Variants in DENND2C observed in about 807,000 individuals in gnomAD.
DENND2C encodes the protein DENN domain-containing protein 2C.
DENND2C carries 72 observed loss-of-function variants against 112.4 expected under a neutral mutation model. The ratio of observed to expected loss-of-function variants is 0.64; its 90% CI spans 0.53 to 0.78. The LOEUF is 0.78. Ranked by LOEUF, DENND2C falls within the 30% of genes least tolerant of loss-of-function variation. The pLI, the probability that DENND2C is intolerant of heterozygous loss-of-function variation, is 0.00. For missense variants in DENND2C, 992 were observed against 1,113.8 expected, an observed-to-expected ratio of 0.89 and a Z score of 1.56; for synonymous variants, 329 against 381.6, an observed-to-expected ratio of 0.86 and a Z score of 1.61.
intron 8 of DENND2C, among the ~76,000 whole-genome samples, chr1:114,616,801 G>A (rs1318946829): frequency 6.6e-6 from 1 of 152,128 alleles, no homozygotes; most frequent in Non-Finnish European, 1.5e-5. Flanking sequence ...GTTGCACTGA[G>A]CCGAGATCAT....
At chr1:114,668,819 C>T (rs1022635999) in intron 1 of DENND2C, among the ~76,000 whole-genome samples, 3 of 152,152 alleles carry the variant, frequency 2.0e-5, no homozygotes, top group African/African-American at 7.2e-5. Context: ...CTATAAGCAG[C>T]CCGTCAATTC....
chr1:114,586,319 G>GTA (rs1174327988), intron 20 of DENND2C, among the ~76,000 whole-genome samples: 2 of 152,088 alleles, frequency 1.3e-5, no homozygotes, highest in African/African-American at 2.4e-5. Flanking sequence ...ACTTCATGGG[G>GTA]TATATGAGCA....
At chr1:114,604,192 C>G (rs887974517) in intron 11 of DENND2C, among the ~76,000 whole-genome samples, 1 of 152,104 alleles carries the variant, frequency 6.6e-6, no homozygotes, top group Admixed American at 6.6e-5. Flanking sequence ...GGAAGCAACA[C>G]GAAGTTGAAG....
chr1:114,667,259 T>C (rs1455754769), intron 1 of DENND2C, among the ~76,000 whole-genome samples: 1 of 152,216 alleles, frequency 6.6e-6, no homozygotes, highest in Non-Finnish European at 1.5e-5. Flanking sequence ...CTTCTTTCTT[T>C]TTCTTGCAAC....
intron 8 of DENND2C, among the ~76,000 whole-genome samples, chr1:114,612,233 C>T (rs1655839475): frequency 6.6e-6 from 1 of 151,908 alleles, no homozygotes; most frequent in African/African-American, 2.4e-5. Flanking sequence ...CCATAAAAAG[C>T]TTTAATAAAG....
At chr1:114,588,804 G>A (rs551054540) in intron 18 of DENND2C, among the ~76,000 whole-genome samples, 2 of 152,056 alleles carry the variant, frequency 1.3e-5, no homozygotes, top group African/African-American at 4.8e-5. Context: ...TGTTGCCCAG[G>A]CACTTGTCTC....
intron 8 of DENND2C, 32 bp from the exon 9 acceptor site, chr1:114,611,149 T>C (rs763924085): frequency 6.2e-7 from 1 of 1,613,106 alleles, no homozygotes; most frequent in Non-Finnish European, 8.5e-7. Flanking sequence ...CCATTTGTAT[T>C]GTCCAACAGT....
chr1:114,636,679 CA>C (rs777606388), intron 3 of DENND2C, among the ~76,000 whole-genome samples: 1 of 148,940 alleles, frequency 6.7e-6, no homozygotes. Flanking sequence ...ACAACAGCAA[CA>C]AAAAAAACAT....
intron 1 of DENND2C, among the ~76,000 whole-genome samples, 165 bp downstream of exon 1, chr1:114,669,818 C>A (rs1270417645): frequency 1.3e-5 from 2 of 152,038 alleles, no homozygotes; most frequent in Non-Finnish European, 2.9e-5. Context: ...GCCGAGACAG[C>A]GGGGCGCGGA....
intron 3 of DENND2C, among the ~76,000 whole-genome samples, chr1:114,640,320 T>G (rs1045260760): frequency 1.3e-5 from 2 of 152,226 alleles, no homozygotes; most frequent in Non-Finnish European, 2.9e-5. Context: ...CATGAAAGTT[T>G]ATTTGCATCC....
At chr1:114,628,784 C>CT (rs1656413766) in intron 3 of DENND2C, among the ~76,000 whole-genome samples, 1 of 152,246 alleles carries the variant, frequency 6.6e-6, no homozygotes, top group Non-Finnish European at 1.5e-5. Context: ...TCTGAGCCAC[C>CT]TTGCTCCTCA....
chr1:114,587,825 A>T lies in DENND2C; in HGVS notation c.2559T>A (p.Arg853=), dbSNP rs1342769553. The part of the protein sequence containing the change: ...GERVFQREPF[R]KSHTSRSVRH... ...GTACACTTCGGGAGGTGTGGGACTT[A>T]CGGAATGGTTCCCTTTGGAAAACAC... The change falls in exon 19 of 21, where the codon CGT becomes CGA. Residue 853 remains arginine (R), a synonymous_variant. Transcript: ENST00000393274. 1 of 1,614,166 alleles carries T rather than the reference A, an allele frequency of 6.2e-7. No individual in the cohort carries two copies. Among genetic ancestry groups the T allele is most frequent in the Non-Finnish European group, 8.5e-7 (1 of 1,180,018 alleles).
intron 4 of DENND2C, among the ~76,000 whole-genome samples, chr1:114,624,285 T>G (rs1204377668): frequency 6.6e-6 from 1 of 152,078 alleles, no homozygotes; most frequent in African/African-American, 2.4e-5. Flanking sequence ...CCCTACAGAT[T>G]TTTTTGAATT....
chr1:114,645,034 G>A (rs530698460), intron 3 of DENND2C, among the ~76,000 whole-genome samples: 1 of 152,142 alleles, frequency 6.6e-6, no homozygotes, highest in African/African-American at 2.4e-5. Flanking sequence ...GTAAAAGGAG[G>A]GTATAGTAAC....
intron 18 of DENND2C, among the ~76,000 whole-genome samples, chr1:114,594,121 A>G (rs564694687): frequency 6.6e-6 from 1 of 152,314 alleles, no homozygotes; most frequent in East Asian, 1.9e-4. Context: ...AATTAAAGCA[A>G]AGGGAAGAGG....
At chr1:114,596,491 G>T (rs1381646223) in intron 16 of DENND2C, among the ~76,000 whole-genome samples, 1 of 152,184 alleles carries the variant, frequency 6.6e-6, no homozygotes, top group Non-Finnish European at 1.5e-5. Flanking sequence ...TGATATCAAG[G>T]AATTGTTGGA....
At chr1:114,600,503 C>T (rs1433584236) in intron 14 of DENND2C, 151 bp from the exon 15 acceptor site, 4 of 1,028,192 alleles carry the variant, frequency 3.9e-6, no homozygotes, top group South Asian at 3.4e-5. Flanking sequence ...TGCCAGGACC[C>T]AACAGCTTAT....
intron 1 of DENND2C, among the ~76,000 whole-genome samples, chr1:114,665,657 A>C (rs895992597): frequency 6.6e-6 from 1 of 152,210 alleles, no homozygotes; most frequent in Non-Finnish European, 1.5e-5. Context: ...TTCTGGAATA[A>C]ATGAGTGACT....
intron 1 of DENND2C, 134 bp from the exon 2 acceptor site, chr1:114,654,895 G>T (rs1657267162): frequency 6.6e-6 from 1 of 152,190 alleles, no homozygotes; most frequent in East Asian, 1.9e-4. Flanking sequence ...CACACACGGA[G>T]CTCCAGCTAT....
Sources: allele counts gnomAD v4.1 joint callset (sites outside exome capture counted in the v4.1 genomes callset), GRCh38; gene constraint gnomAD v4.1.1; transcripts MANE v1.5; gene names NCBI Gene and HGNC (gene_info 2026-07-23, HGNC 2026-07-21).